RAB21: variants seen among roughly 807,000 people sequenced by gnomAD.
The protein encoded by RAB21 is ras-related protein Rab-21.
In RAB21, 13 loss-of-function variants were observed where a neutral mutation model predicts 33.1. The observed-to-expected ratio is 0.39, with a 90% confidence interval of 0.26 to 0.62. RAB21 has a LOEUF of 0.62. RAB21 is among the 20% of genes least tolerant of loss of function. The probability of loss-of-function intolerance (pLI) is 0.48; values close to 1 mark genes in which losing one functional copy is unlikely to be tolerated. For missense variants in RAB21, 234 were observed against 279.1 expected (o/e 0.84, Z 1.15); for synonymous variants, 91 against 103.7 (o/e 0.88, Z 0.74).
At position 71,798,629 on chromosome 12, in the gene RAB21, T is replaced by A. The variant is rs1883496615; in HGVS notation, c.*12956T>A. 6.6e-6 allele frequency: 1 copy of A among 152,218 alleles called. No homozygotes were observed. Among genetic ancestry groups the A allele is most frequent in the Non-Finnish European group, 1.5e-5 (1 of 68,038 alleles). The allele number at this position is 152,218 out of a possible 1,614,324, so 9.4% of individuals were successfully genotyped here. Reference sequence around the variant, plus strand: ...ATTCAAGCCGGAAAAAAAGTTCAACTTTATTACTAAGAGAAGTATAAGACA... The same window carrying A: ...ATTCAAGCCGGAAAAAAAGTTCAACATTATTACTAAGAGAAGTATAAGACA... On this transcript the variant is annotated 3_prime_UTR_variant, in exon 7 of 7. Transcript: ENST00000261263.
At chr12:71,781,425 C>T (rs1022359091) in intron 4 of RAB21, among the ~76,000 whole-genome samples, 4 of 150,646 alleles carry the variant, frequency 2.7e-5, no homozygotes, top group African/African-American at 7.3e-5. Flanking sequence ...GCCGAGATGG[C>T]GCCACTGCAC....
At chr12:71,762,415 C>T (rs1305698984) in intron 1 of RAB21, among the ~76,000 whole-genome samples, 3 of 151,992 alleles carry the variant, frequency 2.0e-5, no homozygotes, top group Non-Finnish European at 4.4e-5. Flanking sequence ...ACGCCATTCT[C>T]CTGCCTCAGC....
intron 1 of RAB21, among the ~76,000 whole-genome samples, chr12:71,761,585 G>C (rs1882872610): frequency 6.6e-6 from 1 of 152,092 alleles, no homozygotes; most frequent in Non-Finnish European, 1.5e-5. Context: ...GGCTAAGGAA[G>C]GAGAATCACT....
In RAB21 at chr12:71,782,651, T is replaced by C. The variant is rs777153724; in HGVS notation, c.528T>C (p.Leu176=). Reference sequence around the variant, plus strand: ...GAATTGAGGAACTCTTTCTTGACCTTTGTAAAAGTAGGTATATTCAGATTT... The same window carrying C: ...GAATTGAGGAACTCTTTCTTGACCTCTGTAAAAGTAGGTATATTCAGATTT... The part of the protein sequence containing the change: ...NKGIEELFLD[L]CKRMIETAQV... Residue 176 remains leucine, a synonymous_variant, in exon 6 of 7, where the codon CTT becomes CTC. Coordinates refer to ENST00000261263, the MANE Select transcript of RAB21 (RefSeq NM_014999.4). The C allele has an allele frequency of 5.1e-6, 8 of 1,578,066 alleles. No individual in the cohort carries two copies. The highest frequency in any genetic ancestry group is 6.9e-6 in the Non-Finnish European group (8 of 1,156,272).
intron 1 of RAB21, among the ~76,000 whole-genome samples, chr12:71,766,791 G>T (rs1189915875): frequency 6.6e-6 from 1 of 152,076 alleles, no homozygotes; most frequent in Non-Finnish European, 1.5e-5. Flanking sequence ...GCTCAAATTA[G>T]AGTGGAATTT....
chr12:71,770,410 A>G, intron 2 of RAB21, 182 bp from the exon 3 acceptor site: 7 of 582,510 alleles, frequency 1.2e-5, no homozygotes, highest in South Asian at 1.0e-4. Flanking sequence ...AACATTACAT[A>G]TTGGTCATAA....
intron 1 of RAB21, among the ~76,000 whole-genome samples, chr12:71,756,001 C>T (rs1882780283): frequency 6.6e-6 from 1 of 152,202 alleles, no homozygotes; most frequent in South Asian, 2.1e-4. Context: ...TCCACAGGTA[C>T]ATTGGAAAGG....
At chr12:71,765,329 G>A (rs1246042211) in intron 1 of RAB21, among the ~76,000 whole-genome samples, 1 of 152,040 alleles carries the variant, frequency 6.6e-6, no homozygotes, top group Non-Finnish European at 1.5e-5. Context: ...ATATGTTTGA[G>A]TTCCTTGTAG....
intron 2 of RAB21, 153 bp from the exon 3 acceptor site, chr12:71,770,439 G>T: frequency 1.6e-6 from 1 of 611,538 alleles, no homozygotes; most frequent in Non-Finnish European, 2.9e-6. Flanking sequence ...TTTTGTGTGT[G>T]GCCTGTTTTG....
At chr12:71,782,443 A>C in intron 5 of RAB21, 127 bp from the exon 6 acceptor site, 1 of 600,198 alleles carries the variant, frequency 1.7e-6, no homozygotes, top group Non-Finnish European at 2.8e-6. Context: ...TTAAATAGCT[A>C]TATAAACTTA....
At chr12:71,770,231 CT>C (rs1883022318) in intron 2 of RAB21, among the ~76,000 whole-genome samples, 1 of 152,104 alleles carries the variant, frequency 6.6e-6, no homozygotes, top group Non-Finnish European at 1.5e-5. Context: ...ATTTCCCTGT[CT>C]CTCCCAGTGT....
intron 4 of RAB21, among the ~76,000 whole-genome samples, chr12:71,778,278 T>G (rs1883149853): frequency 6.6e-6 from 1 of 152,206 alleles, no homozygotes. Context: ...GTTGATAGTA[T>G]TCTGCATCTA....
At chr12:71,756,106 T>C (rs1250508150) in intron 1 of RAB21, among the ~76,000 whole-genome samples, 1 of 152,210 alleles carries the variant, frequency 6.6e-6, no homozygotes, top group East Asian at 1.9e-4. Flanking sequence ...TTGATGTTAT[T>C]AGGAGAAATT....
chr12:71,775,091 A>G (rs1036647213), intron 4 of RAB21, among the ~76,000 whole-genome samples: 1 of 152,200 alleles, frequency 6.6e-6, no homozygotes, highest in African/African-American at 2.4e-5. Flanking sequence ...ATGGGTATAA[A>G]GGAACTCTGC....
rs1882763705 is a variant in RAB21 at position 71,755,156 on chromosome 12, C to CGGGGCG, written c.29_34dup (p.Gly10_Ala11dup). On this transcript the variant is annotated inframe_insertion, in exon 1 of 7. Coordinates refer to ENST00000261263, the MANE Select transcript of RAB21 (RefSeq NM_014999.4). Reference sequence around the variant, plus strand: ...TGGCTGCGGCCGGCGGCGGCGGCGGCGGGGCGGCGGCGGCGGGCCGAGCCT... The same window carrying CGGGGCG: ...TGGCTGCGGCCGGCGGCGGCGGCGGCGGGGCGGGGGCGGCGGCGGCGGGCCGAGCCT... The CGGGGCG allele has an allele frequency of 7.7e-7, 1 of 1,290,630 alleles. No individual in the cohort carries two copies. The highest frequency in any genetic ancestry group is 2.7e-5 in the South Asian group (1 of 36,860). The allele number at this position is 1,290,630 out of a possible 1,614,324, so 79.9% of individuals were successfully genotyped here. A position where few individuals can be genotyped will look rare whatever the true frequency, so the allele number is the denominator to read the frequency against.
At chr12:71,783,849 C>T (rs1285134701) in intron 6 of RAB21, among the ~76,000 whole-genome samples, 3 of 151,866 alleles carry the variant, frequency 2.0e-5, no homozygotes, top group African/African-American at 7.3e-5. Context: ...TCCTTCCTTA[C>T]CTCCCTCCCT....
At chr12:71,756,634 G>A (rs1882789544) in intron 1 of RAB21, among the ~76,000 whole-genome samples, 1 of 152,132 alleles carries the variant, frequency 6.6e-6, no homozygotes, top group East Asian at 1.9e-4. Context: ...AAAAATCCTT[G>A]TACCAGAACA....
chr12:71,773,682 T>C (rs1440147250), intron 3 of RAB21, among the ~76,000 whole-genome samples: 2 of 152,240 alleles, frequency 1.3e-5, no homozygotes, highest in African/African-American at 4.8e-5. Context: ...GATATGCTTT[T>C]GCTCTAGTGA....
At position 71,799,674 on chromosome 12, in the gene RAB21, C is replaced by T. The variant is rs1883512211; in HGVS notation, c.*14001C>T. The T allele has an allele frequency of 6.6e-6, 1 of 152,002 alleles. No individual in the cohort carries two copies. The highest frequency in any genetic ancestry group is 1.5e-5 in the Non-Finnish European group (1 of 68,012). 9.4% of individuals were successfully genotyped at this position (152,002 alleles called of 1,614,324 possible). A position where few individuals can be genotyped will look rare whatever the true frequency, so the allele number is the denominator to read the frequency against. ...TTGCATATTTAAAAGAAACCATCAA[C>T]AGGAATATTAAGTTTTTAAAAAAAG... On this transcript the variant is annotated 3_prime_UTR_variant, in exon 7 of 7. Coordinates refer to ENST00000261263, the MANE Select transcript of RAB21 (RefSeq NM_014999.4).
Sources: gnomAD v4.1 joint callset for allele counts (sites outside exome capture counted in the v4.1 genomes callset) on GRCh38, gnomAD v4.1.1 for gene constraint, MANE v1.5 for transcripts, NCBI Gene and HGNC (gene_info 2026-07-23, HGNC 2026-07-21) for gene names.